Variants in SLC22A5 observed in about 807,000 individuals in gnomAD.
SLC22A5 encodes the protein solute carrier family 22 member 5.
SLC22A5 carries 44 observed loss-of-function variants against 56.7 expected under a neutral mutation model. The ratio of observed to expected loss-of-function variants is 0.78; its 90% CI spans 0.61 to 1.00. The LOEUF is 1.00. SLC22A5 is among the 50% of genes least tolerant of loss of function. The pLI is 0.00. For synonymous variants in SLC22A5, 278 were observed against 292.1 expected (o/e 0.95, Z 0.49); for missense variants, 675 against 723.0 (o/e 0.93, Z 0.76).
At chr5:132,378,135 C>T in intron 1 of SLC22A5, 2 of 1,556,558 alleles carry the variant, frequency 1.3e-6, no homozygotes, top group Non-Finnish European at 8.7e-7. Flanking sequence ...CACTTACTCT[C>T]TGCCTGTCTC....
At chr5:132,370,425 G>C in intron 1 of SLC22A5, 60 bp downstream of exon 1, 1 of 1,561,404 alleles carries the variant, frequency 6.4e-7, no homozygotes, top group Non-Finnish European at 8.7e-7. Context: ...CGCGGTCCTT[G>C]AACCCGAGCT....
Position 132,370,034 on chromosome 5 carries a change from T to C in SLC22A5, c.62T>C (p.Ile21Thr). The change falls in exon 1 of 10, where the codon ATC (isoleucine) becomes ACC (threonine). Residue 21 changes from isoleucine (I) to threonine (T), a missense_variant. Physicochemically the swap from Ile to Thr is moderately conservative, Grantham distance 89 (BLOSUM62 -1). Transcript: ENST00000245407. ...LGEWGPFQRL[I>T]FFLLSASIIP... Reference sequence around the variant, plus strand: ...GAGTGGGGGCCCTTCCAGCGCCTCATCTTCTTCCTGCTCAGCGCCAGCATC... The same window carrying C: ...GAGTGGGGGCCCTTCCAGCGCCTCACCTTCTTCCTGCTCAGCGCCAGCATC... The C allele has an allele frequency of 1.2e-6, 2 of 1,613,368 alleles. No individual in the cohort carries two copies. Among genetic ancestry groups the C allele is most frequent in the Non-Finnish European group, 1.7e-6 (2 of 1,179,708 alleles).
At chr5:132,383,326 G>A (rs771417284) in intron 2 of SLC22A5, 7 of 151,980 alleles carry the variant, frequency 4.6e-5, no homozygotes, top group Non-Finnish European at 7.4e-5. Flanking sequence ...CTTAATCTAT[G>A]GATTCTCCTT....
At chr5:132,388,354 C>T (rs116566691) in intron 5 of SLC22A5, among the ~76,000 whole-genome samples, 4 of 152,306 alleles carry the variant, frequency 2.6e-5, no homozygotes, top group Middle Eastern at 3.4e-3. Flanking sequence ...TGTGTTTAGA[C>T]GTGTGGTTTA....
intron 1 of SLC22A5, among the ~76,000 whole-genome samples, chr5:132,372,227 A>G (rs1242701423): frequency 6.6e-6 from 1 of 152,180 alleles, no homozygotes; most frequent in African/African-American, 2.4e-5. Context: ...CCTGGGTCCT[A>G]GCCTCACAGG....
At chr5:132,370,427 A>C (rs1751864620) in intron 1 of SLC22A5, 62 bp downstream of exon 1, 3 of 1,558,338 alleles carry the variant, frequency 1.9e-6, no homozygotes, top group South Asian at 1.2e-5. Flanking sequence ...CGGTCCTTGA[A>C]CCCGAGCTCC....
chr5:132,373,640 GAATAAT>G (rs1752021855), intron 1 of SLC22A5, among the ~76,000 whole-genome samples: 1 of 152,032 alleles, frequency 6.6e-6, no homozygotes, highest in Admixed American at 6.6e-5. Context: ...CATCTCAAAA[GAATAAT>G]AATAATATTA....
rs144020613 is a variant in SLC22A5 at position 132,370,031 on chromosome 5, T to A, written c.59T>A (p.Leu20His). The change falls in exon 1 of 10, where the codon CTC becomes CAC. Residue 20 changes from leucine to histidine, a missense_variant. Leu to His is a moderately conservative substitution (Grantham distance 99, BLOSUM62 -3). Coordinates refer to ENST00000245407, the MANE Select transcript of SLC22A5 (RefSeq NM_003060.4). ...FLGEWGPFQR[L>H]IFFLLSASII... is the part of the protein sequence containing the mutation. ...GGCGAGTGGGGGCCCTTCCAGCGCC[T>A]CATCTTCTTCCTGCTCAGCGCCAGC... 6.6e-4 allele frequency: 1,068 copies of A among 1,613,396 alleles called. 8 individuals are homozygous for A. In the African/African-American group the frequency reaches 0.012, roughly 18 times the overall value.
chr5:132,392,737 C>T (rs1005653127), intron 8 of SLC22A5, 122 bp downstream of exon 8: 80 of 836,600 alleles, frequency 9.6e-5, no homozygotes, highest in Non-Finnish European at 1.5e-4. Context: ...GGGCTCCATC[C>T]AGTACTGGAT....
intron 1 of SLC22A5, 61 bp from the exon 2 acceptor site, chr5:132,378,317 C>G (rs1182830122): frequency 2.5e-6 from 4 of 1,610,832 alleles, no homozygotes; most frequent in Admixed American, 1.7e-5. Context: ...TTCCAGGATG[C>G]CTTTGCTTTA....
At chr5:132,390,578 C>A in intron 6 of SLC22A5, 112 bp from the exon 7 acceptor site, 1 of 817,602 alleles carries the variant, frequency 1.2e-6, no homozygotes. Context: ...CCTTACTAGT[C>A]TCTGCTTAAA....
Position 132,393,721 on chromosome 5 carries a change from C to G in SLC22A5, c.1496C>G (p.Thr499Ser). 2.5e-6 allele frequency: 4 copies of G among 1,614,146 alleles called. No homozygotes were observed. Among genetic ancestry groups the G allele is most frequent in the Non-Finnish European group, 3.4e-6 (4 of 1,180,004 alleles). The change falls in exon 9 of 10, where the codon ACC (threonine) becomes AGC (serine). Residue 499 changes from threonine to serine, a missense_variant. Coordinates refer to ENST00000245407, the MANE Select transcript of SLC22A5 (RefSeq NM_003060.4). ...CCCTACATTCTCATGGGAAGTCTGACCATCCTGACAGCCATCCTCACCTTG... is the reference window on the plus strand; with the variant it reads ...CCCTACATTCTCATGGGAAGTCTGAGCATCCTGACAGCCATCCTCACCTTG... Reference protein sequence around the residue: ...FLPYILMGSLTILTAILTLFL... With the variant: ...FLPYILMGSLSILTAILTLFL...
At position 132,378,414 on chromosome 5, in the gene SLC22A5, C is replaced by T. The variant is rs10040427; in HGVS notation, c.430C>T (p.Leu144Phe). The T allele has an allele frequency of 4.1e-3, 6,549 of 1,614,242 alleles. 231 individuals are homozygous for T. The African/African-American group carries it at 0.076, about 19-fold the overall frequency. The change falls in exon 2 of 10, where the codon CTC (leucine) becomes TTC (phenylalanine). Residue 144 changes from leucine (L) to phenylalanine (F), a missense_variant. Physicochemically the swap from Leu to Phe is conservative, Grantham distance 22. Transcript: ENST00000245407. ...LVCEDDWKAP[L>F]TISLFFVGVL... ...GTGTGAGGACGACTGGAAGGCCCCA[C>T]TCACAATCTCCTTGTTCTTCGTGGG... is the stretch of plus-strand genomic sequence containing the variant.
intron 1 of SLC22A5, among the ~76,000 whole-genome samples, chr5:132,373,568 G>A (rs527867105): frequency 3.9e-4 from 60 of 152,202 alleles, no homozygotes; most frequent in African/African-American, 1.3e-3. Context: ...CCCAGGAGGC[G>A]GGCTTTGCAG....
chr5:132,393,514 C>T, intron 8 of SLC22A5, among the ~76,000 whole-genome samples, 162 bp from the exon 9 acceptor site: 1 of 152,182 alleles, frequency 6.6e-6, no homozygotes, highest in South Asian at 2.1e-4. Context: ...GTTCTGAAAC[C>T]TGTCTAGATG....
Position 132,370,017 on chromosome 5 carries a change from G to T in SLC22A5, c.45G>T (p.Gly15=), listed in dbSNP as rs911499169. Residue 15 remains glycine, a synonymous_variant, in exon 1 of 10, where the codon GGG becomes GGT. Transcript: ENST00000245407. The part of the protein sequence containing the change: ...DEVTAFLGEW[G]PFQRLIFFLL... ...TGACCGCCTTCCTGGGCGAGTGGGG[G>T]CCCTTCCAGCGCCTCATCTTCTTCC... 1 of 1,613,204 alleles carries T rather than the reference G, an allele frequency of 6.2e-7. No homozygotes were observed. The highest frequency in any genetic ancestry group is 1.7e-5 in the Admixed American group (1 of 59,990).
chr5:132,381,935 C>T (rs1454397838), intron 2 of SLC22A5: 1 of 152,088 alleles, frequency 6.6e-6, no homozygotes, highest in Non-Finnish European at 1.5e-5. Flanking sequence ...ACCAGCCTGC[C>T]TTGTGGTTAG....
Position 132,392,528 on chromosome 5 carries a change from C to A in SLC22A5, c.1363C>A (p.Pro455Thr), listed in dbSNP as rs1326829327. Residue 455 changes from proline (P) to threonine (T), a missense_variant, in exon 8 of 10, where the codon CCC (proline) becomes ACC (threonine). Physicochemically the swap from Pro to Thr is conservative, Grantham distance 38 (BLOSUM62 -1). Coordinates refer to ENST00000245407, the MANE Select transcript of SLC22A5 (RefSeq NM_003060.4). ...MVYVYTAELYPTVVRNMGVGV... is the reference protein window; with the variant it reads ...MVYVYTAELYTTVVRNMGVGV... The stretch of plus-strand genomic sequence containing the variant: ...CTACGTGTACACAGCCGAGCTGTAT[C>A]CCACAGTGGTGAGAAACATGGGTGT... The A allele has an allele frequency of 4.3e-6, 7 of 1,613,944 alleles. No homozygotes were observed. The South Asian group carries it at 7.7e-5, about 18-fold the overall frequency.
At chr5:132,393,968 T>C (rs1752792519) in intron 9 of SLC22A5, among the ~76,000 whole-genome samples, 157 bp downstream of exon 9, 1 of 152,194 alleles carries the variant, frequency 6.6e-6, no homozygotes, top group African/African-American at 2.4e-5. Flanking sequence ...TGCTTACTTA[T>C]AGCCCATCCT....
Sources: gnomAD v4.1 joint callset for allele counts (sites outside exome capture counted in the v4.1 genomes callset) on GRCh38, gnomAD v4.1.1 for gene constraint, MANE v1.5 for transcripts, NCBI Gene and HGNC (gene_info 2026-07-23, HGNC 2026-07-21) for gene names.